The following PPP2R2C variants were observed in gnomAD, a reference collection of about 807,000 sequenced individuals.
The protein encoded by PPP2R2C is protein phosphatase 2 regulatory subunit Bgamma, also known as protein phosphatase 2, regulatory subunit B, gamma.
PPP2R2C carries 10 observed loss-of-function variants against 45.3 expected under a neutral mutation model. That is an observed-to-expected ratio of 0.22 (90% CI 0.14 to 0.37). The LOEUF is 0.37. Among genes scored for constraint, PPP2R2C ranks in the 10% least tolerant of loss-of-function variants. The probability of loss-of-function intolerance (pLI) is 1.00; values close to 1 mark genes in which losing one functional copy is unlikely to be tolerated. For missense variants in PPP2R2C, 308 were observed against 619.7 expected (o/e 0.50, Z 5.34); for synonymous variants, 257 against 245.4 (o/e 1.05, Z -0.44).
At chr4:6,529,402 C>T (rs1304482830) in intron 2 of PPP2R2C, among the ~76,000 whole-genome samples, 2 of 152,256 alleles carry the variant, frequency 1.3e-5, no homozygotes. Flanking sequence ...CAGCAGGGGG[C>T]TCATAGTCAA....
chr4:6,505,972 A>AT (rs200324091), intron 2 of PPP2R2C, among the ~76,000 whole-genome samples: 7 of 152,134 alleles, frequency 4.6e-5, no homozygotes, highest in Non-Finnish European at 7.4e-5. Flanking sequence ...TCTCAAAAAC[A>AT]TTTTTTTTAA....
intron 2 of PPP2R2C, among the ~76,000 whole-genome samples, chr4:6,511,095 C>T (rs949432782): frequency 2.0e-5 from 3 of 151,948 alleles, no homozygotes; most frequent in Admixed American, 2.0e-4. Context: ...TGAATTTGTC[C>T]TTCTCTTAAT....
At chr4:6,351,068 G>A (rs559645670) in intron 5 of PPP2R2C, 1 of 970,724 alleles carries the variant, frequency 1.0e-6, no homozygotes, top group South Asian at 4.8e-5. Flanking sequence ...ACTTTGGGAG[G>A]TCAAGGCGAG....
chr4:6,529,455 G>A (rs1483174590), intron 2 of PPP2R2C, among the ~76,000 whole-genome samples: 2 of 152,206 alleles, frequency 1.3e-5, no homozygotes, highest in South Asian at 2.1e-4. Context: ...CCCATGGAAC[G>A]TATCAACCAT....
intron 1 of PPP2R2C, among the ~76,000 whole-genome samples, chr4:6,448,172 G>T (rs1720534025): frequency 6.6e-6 from 1 of 152,172 alleles, no homozygotes; most frequent in African/African-American, 2.4e-5. Context: ...CTCTGTGCCA[G>T]ACTCCGTCAA....
intron 1 of PPP2R2C, among the ~76,000 whole-genome samples, chr4:6,404,994 C>T (rs1717698518): frequency 6.6e-6 from 1 of 152,192 alleles, no homozygotes; most frequent in South Asian, 2.1e-4. Flanking sequence ...ACGTGACCTC[C>T]TTCCTAGAGT....
intron 1 of PPP2R2C, among the ~76,000 whole-genome samples, chr4:6,417,598 G>T (rs1025897630): frequency 6.6e-6 from 1 of 152,246 alleles, no homozygotes; most frequent in African/African-American, 2.4e-5. Context: ...CCCTCTGGGT[G>T]TTGCCCAGGC....
chr4:6,410,249 C>T lies in PPP2R2C; in HGVS notation c.71-29155G>A, dbSNP rs78842995. Among the ~76,000 whole-genome samples the T allele has an allele frequency of 3.9e-4, 60 of 152,302 alleles. No homozygotes were observed. In the East Asian group the frequency reaches 7.0e-3, roughly 18 times the overall value. ...GCTGGAGTAGTGGGAGCAGGCTGGG[C>T]GCACTTGTTCACACAGAGCCTAATG... On this transcript the variant is annotated intron_variant, in intron 1 of 8. Coordinates refer to ENST00000382599, the MANE Select transcript of PPP2R2C (RefSeq NM_020416.4).
At chr4:6,472,083 C>T in intron 1 of PPP2R2C, 77 bp downstream of exon 1, 1 of 1,591,756 alleles carries the variant, frequency 6.3e-7, no homozygotes. Flanking sequence ...GCGGTCCAAA[C>T]CTTCGGAGGG....
chr4:6,549,863 C>T (rs908085173), intron 1 of PPP2R2C, among the ~76,000 whole-genome samples: 1 of 152,200 alleles, frequency 6.6e-6, no homozygotes, highest in Non-Finnish European at 1.5e-5. Context: ...CTGTAACGAA[C>T]GTTATTTCTC....
intron 5 of PPP2R2C, among the ~76,000 whole-genome samples, chr4:6,355,211 G>A (rs1713040441): frequency 6.6e-6 from 1 of 151,910 alleles, no homozygotes; most frequent in African/African-American, 2.4e-5. Flanking sequence ...CTGACTGAAT[G>A]AATGAATCAG....
chr4:6,348,505 C>G (rs907562080), intron 5 of PPP2R2C, among the ~76,000 whole-genome samples: 1 of 152,128 alleles, frequency 6.6e-6, no homozygotes, highest in Non-Finnish European at 1.5e-5. Context: ...CATCTGGGAG[C>G]TCCCCTTCCT....
chr4:6,557,594 A>T (rs1033479299), intron 1 of PPP2R2C, among the ~76,000 whole-genome samples: 3 of 152,158 alleles, frequency 2.0e-5, no homozygotes, highest in African/African-American at 7.2e-5. Flanking sequence ...GGCCCGGGAC[A>T]GGAGAGAGCC....
intron 6 of PPP2R2C, among the ~76,000 whole-genome samples, chr4:6,334,449 G>A (rs892777015): frequency 1.3e-5 from 2 of 152,158 alleles, no homozygotes; most frequent in African/African-American, 4.8e-5. Context: ...AGTGGGCAAT[G>A]AGGACTCCCC....
intron 2 of PPP2R2C, among the ~76,000 whole-genome samples, chr4:6,506,791 A>G (rs560198585): frequency 6.6e-6 from 1 of 152,112 alleles, no homozygotes; most frequent in African/African-American, 2.4e-5. Context: ...TGAAGGCCCA[A>G]CTGGGCTGGA....
chr4:6,518,307 T>G (rs1173599849), intron 2 of PPP2R2C, among the ~76,000 whole-genome samples: 3 of 152,004 alleles, frequency 2.0e-5, no homozygotes, highest in Non-Finnish European at 4.4e-5. Flanking sequence ...AATTAGAGCA[T>G]AAATAAATAA....
At chr4:6,487,935 A>G (rs772573918) in intron 2 of PPP2R2C, among the ~76,000 whole-genome samples, 3 of 151,694 alleles carry the variant, frequency 2.0e-5, no homozygotes, top group Non-Finnish European at 2.9e-5. Flanking sequence ...TTTACTCTCT[A>G]TATTTCTTTT....
chr4:6,401,955 T>A (rs73798226), intron 1 of PPP2R2C, among the ~76,000 whole-genome samples: 2,591 of 152,216 alleles, frequency 0.017, 71 homozygotes, highest in African/African-American at 0.058. Flanking sequence ...CAGGCGCAAA[T>A]CCTGGCTCTG....
At chr4:6,428,609 T>G (rs1719458104) in intron 1 of PPP2R2C, among the ~76,000 whole-genome samples, 1 of 152,228 alleles carries the variant, frequency 6.6e-6, no homozygotes, top group Non-Finnish European at 1.5e-5. Flanking sequence ...AGCAGAAGTT[T>G]CACAGCCCTG....
Sources: gnomAD v4.1 joint callset for allele counts (sites outside exome capture counted in the v4.1 genomes callset) on GRCh38, gnomAD v4.1.1 for gene constraint, MANE v1.5 for transcripts, NCBI Gene and HGNC (gene_info 2026-07-23, HGNC 2026-07-21) for gene names.